NALF1: variants seen among roughly 807,000 people sequenced by gnomAD.
NALF1 encodes family with sequence similarity 155 member A.
NALF1 carries 3 observed loss-of-function variants against 48.4 expected under a neutral mutation model. That is an observed-to-expected ratio of 0.06 (90% CI 0.03 to 0.16). The LOEUF (loss-of-function observed/expected upper bound fraction) is 0.16. NALF1 is among the 10% of genes least tolerant of loss of function. NALF1 has a pLI of 1.00. For synonymous variants in NALF1, 262 were observed against 245.7 expected (o/e 1.07, Z -0.62); for missense variants, 526 against 571.5 (o/e 0.92, Z 0.81).
intron 1 of NALF1, among the ~76,000 whole-genome samples, chr13:107,678,273 T>C (rs1313267272): frequency 6.6e-6 from 1 of 152,132 alleles, no homozygotes; most frequent in African/African-American, 2.4e-5. Context: ...GCTCAGCGTA[T>C]GGCCGGCAGG....
chr13:107,436,658 A>G (rs1015659690), intron 1 of NALF1, among the ~76,000 whole-genome samples: 4 of 152,172 alleles, frequency 2.6e-5, no homozygotes, highest in African/African-American at 9.7e-5. Flanking sequence ...TTTTCACCCT[A>G]CAATTAAGAA....
At chr13:107,424,697 T>C (rs1884249701) in intron 1 of NALF1, among the ~76,000 whole-genome samples, 1 of 152,188 alleles carries the variant, frequency 6.6e-6, no homozygotes, top group Non-Finnish European at 1.5e-5. Context: ...GAATACTGGC[T>C]AACTTCAAAC....
intron 1 of NALF1, among the ~76,000 whole-genome samples, chr13:107,467,349 A>AG (rs1885021745): frequency 1.3e-5 from 1 of 79,614 alleles, no homozygotes; most frequent in Admixed American, 1.3e-4. Context: ...TAAGGTTAAA[A>AG]ACATTTCATC....
intron 1 of NALF1, among the ~76,000 whole-genome samples, chr13:107,783,519 G>A (rs1279236030): frequency 6.6e-6 from 1 of 152,194 alleles, no homozygotes; most frequent in Non-Finnish European, 1.5e-5. Context: ...TCTGTACTAA[G>A]AAAAATTCTT....
At chr13:107,818,871 C>CA (rs774372636) in intron 1 of NALF1, among the ~76,000 whole-genome samples, 8,210 of 73,290 alleles carry the variant, frequency 0.11, 685 homozygotes, top group Middle Eastern at 0.14. Flanking sequence ...GACTCCGTCT[C>CA]AAAAAAAAAA....
At chr13:107,593,732 C>T (rs1878661761) in intron 1 of NALF1, among the ~76,000 whole-genome samples, 2 of 151,444 alleles carry the variant, frequency 1.3e-5, no homozygotes, top group Non-Finnish European at 2.9e-5. Context: ...ATAAAACAAC[C>T]GTTTAATGCT....
chr13:107,768,657 G>T (rs1245621875), intron 1 of NALF1, among the ~76,000 whole-genome samples: 1 of 152,046 alleles, frequency 6.6e-6, no homozygotes, highest in African/African-American at 2.4e-5. Context: ...GCAAGTAAGG[G>T]CATACAAAGT....
intron 1 of NALF1, among the ~76,000 whole-genome samples, chr13:107,826,668 A>G (rs560206815): frequency 2.5e-3 from 376 of 152,370 alleles, no homozygotes; most frequent in African/African-American, 7.5e-3. Context: ...TAAAACATAC[A>G]TAAGACCAGT....
intron 2 of NALF1, among the ~76,000 whole-genome samples, chr13:107,171,083 G>A (rs190149773): frequency 1.4e-4 from 21 of 152,310 alleles, no homozygotes; most frequent in African/African-American, 2.4e-4. Context: ...TTGAGGTTCC[G>A]GATCAACTTG....
At chr13:107,860,224 A>G (rs975602918) in intron 1 of NALF1, among the ~76,000 whole-genome samples, 1 of 152,120 alleles carries the variant, frequency 6.6e-6, no homozygotes, top group Non-Finnish European at 1.5e-5. Context: ...CAGTTAGTTC[A>G]CTTCTCATGC....
intron 1 of NALF1, among the ~76,000 whole-genome samples, chr13:107,737,362 C>T (rs1350472928): frequency 3.3e-5 from 5 of 152,150 alleles, no homozygotes; most frequent in African/African-American, 1.2e-4. Flanking sequence ...GTTTTATTAA[C>T]ATTCCAATGT....
At chr13:107,572,048 C>G (rs1878001224) in intron 1 of NALF1, among the ~76,000 whole-genome samples, 1 of 152,076 alleles carries the variant, frequency 6.6e-6, no homozygotes, top group Non-Finnish European at 1.5e-5. Flanking sequence ...AATAGCATTT[C>G]CTATTAATAT....
intron 1 of NALF1, among the ~76,000 whole-genome samples, chr13:107,218,625 C>A (rs12868531): frequency 0.027 from 2,846 of 106,094 alleles, 41 homozygotes; most frequent in Non-Finnish European, 0.045. Context: ...ACAAACAAAA[C>A]AAACAAACAA....
Position 107,170,496 on chromosome 13 carries a change from G to T in NALF1, c.*1C>A. 2 of 1,591,498 alleles carry T rather than the reference G, an allele frequency of 1.3e-6. No homozygotes were observed. Among genetic ancestry groups the T allele is most frequent in the Non-Finnish European group, 8.6e-7 (1 of 1,167,476 alleles). ...CTGCTGTGGTGACACTCGTCCTTCC[G>T]TTACTCCTCATTGGTTGAGTTTTCT... is the stretch of plus-strand genomic sequence containing the variant. On this transcript the variant is annotated 3_prime_UTR_variant, in exon 3 of 3. Coordinates refer to ENST00000375915, the MANE Select transcript of NALF1 (RefSeq NM_001080396.3).
chr13:107,759,303 G>A (rs1001870899), intron 1 of NALF1, among the ~76,000 whole-genome samples: 1 of 152,130 alleles, frequency 6.6e-6, no homozygotes, highest in Non-Finnish European at 1.5e-5. Flanking sequence ...CTGCCTCCCG[G>A]GTTCAAGCAA....
rs77696394 is a variant in NALF1, at chr13:107,252,122, C to T, written c.916-41367G>A. Among the ~76,000 whole-genome samples, 19 of 152,168 alleles carry T rather than the reference C, an allele frequency of 1.2e-4. 1 individual carries two copies. Among genetic ancestry groups the T allele is most frequent in the East Asian group, 1.2e-3 (6 of 5,136 alleles). ...CCCCCACTGGGCATGGGAGGCCTGG[C>T]GAGGTAGTGGGAGGTGGGCTTGGTG... On this transcript the variant is annotated intron_variant, in intron 1 of 2. Coordinates refer to ENST00000375915, the MANE Select transcript of NALF1 (RefSeq NM_001080396.3).
chr13:107,544,630 C>A (rs680293), intron 1 of NALF1, among the ~76,000 whole-genome samples: 1 of 151,946 alleles, frequency 6.6e-6, no homozygotes, highest in African/African-American at 2.4e-5. Context: ...ACTCGATAGC[C>A]ATGACCCTTC....
intron 1 of NALF1, among the ~76,000 whole-genome samples, chr13:107,635,892 GC>G (rs1879963287): frequency 6.6e-6 from 1 of 152,094 alleles, no homozygotes; most frequent in African/African-American, 2.4e-5. Flanking sequence ...GTCTTCTATA[GC>G]TTATTCAGTT....
At chr13:107,479,952 T>C (rs9559045) in intron 1 of NALF1, among the ~76,000 whole-genome samples, 85,894 of 151,888 alleles carry the variant, frequency 0.57, 26,745 homozygotes, top group Middle Eastern at 0.74. Context: ...TGAAAAGTGG[T>C]TGCAATACCA....
Sources: allele counts gnomAD v4.1 joint callset (sites outside exome capture counted in the v4.1 genomes callset), GRCh38; gene constraint gnomAD v4.1.1; transcripts MANE v1.5; gene names NCBI Gene and HGNC (gene_info 2026-07-23, HGNC 2026-07-21).